Variants in RIC8B observed in about 807,000 individuals in gnomAD.
RIC8B encodes RIC8 guanine nucleotide exchange factor B.
RIC8B carries 16 observed loss-of-function variants against 57.5 expected under a neutral mutation model. That is an observed-to-expected ratio of 0.28 (90% CI 0.19 to 0.42). The LOEUF (loss-of-function observed/expected upper bound fraction) is 0.42, where lower values mean the gene tolerates loss of function less well. Among genes scored for constraint, RIC8B ranks in the 10% least tolerant of loss-of-function variants. The probability of loss-of-function intolerance (pLI) is 1.00; values close to 1 mark genes in which losing one functional copy is unlikely to be tolerated. For missense variants in RIC8B, 481 were observed against 677.0 expected (o/e 0.71, Z 3.21); for synonymous variants, 216 against 250.8 (o/e 0.86, Z 1.31).
intron 2 of RIC8B, among the ~76,000 whole-genome samples, chr12:106,805,655 A>G (rs2044977302): frequency 6.6e-6 from 1 of 152,248 alleles, no homozygotes; most frequent in South Asian, 2.1e-4. Flanking sequence ...CCACATTAAC[A>G]TCAGAGTAAT....
intron 4 of RIC8B, among the ~76,000 whole-genome samples, chr12:106,829,645 C>G (rs953743762): frequency 4.6e-5 from 7 of 152,092 alleles, no homozygotes; most frequent in Non-Finnish European, 1.0e-4. Context: ...TGGTAAAATA[C>G]AGTTATAAAA....
At chr12:106,820,311 T>G (rs1260142773) in intron 3 of RIC8B, among the ~76,000 whole-genome samples, 3 of 152,216 alleles carry the variant, frequency 2.0e-5, no homozygotes, top group Non-Finnish European at 2.9e-5. Flanking sequence ...GCAGATTAAT[T>G]TGGAGTTTGC....
chr12:106,829,651 T>C (rs1265115891), intron 4 of RIC8B, among the ~76,000 whole-genome samples: 2 of 152,208 alleles, frequency 1.3e-5, no homozygotes, highest in African/African-American at 4.8e-5. Context: ...AATACAGTTA[T>C]AAAATTTGCT....
At chr12:106,810,294 A>AG (rs2045279739) in intron 2 of RIC8B, among the ~76,000 whole-genome samples, 1 of 150,466 alleles carries the variant, frequency 6.6e-6, no homozygotes, top group East Asian at 1.9e-4. Context: ...AGCTGGTAAA[A>AG]AAAAAAAAAA....
intron 7 of RIC8B, 81 bp from the exon 8 acceptor site, chr12:106,860,187 A>G (rs542269995): frequency 2.5e-5 from 31 of 1,232,242 alleles, no homozygotes; most frequent in East Asian, 1.6e-4. Flanking sequence ...TGTGTCTTCA[A>G]TCTTCTTGTG....
rs577312457 is a variant in RIC8B at position 106,854,490 on chromosome 12, G to A, written c.1306+2896G>A. Among the ~76,000 whole-genome samples, 55 of 152,284 alleles carry A rather than the reference G, an allele frequency of 3.6e-4. 1 individual carries two copies. Among genetic ancestry groups the A allele is most frequent in the Non-Finnish European group, 7.5e-4 (51 of 68,012 alleles). Reference sequence around the variant, plus strand: ...GCAGTTATAATGGGTTAGGAACACAGAGACTGCATTAAGAAAGAGGGGCCA... The same window carrying A: ...GCAGTTATAATGGGTTAGGAACACAAAGACTGCATTAAGAAAGAGGGGCCA... On this transcript the variant is annotated intron_variant, in intron 7 of 9. Coordinates refer to ENST00000392837, the MANE Select transcript of RIC8B (RefSeq NM_001330145.2).
chr12:106,807,574 A>G (rs2045100550), intron 2 of RIC8B, among the ~76,000 whole-genome samples: 1 of 152,218 alleles, frequency 6.6e-6, no homozygotes, highest in South Asian at 2.1e-4. Context: ...CTTTCATTCT[A>G]GTGGCAAGAG....
intron 3 of RIC8B, among the ~76,000 whole-genome samples, chr12:106,818,150 C>G (rs1288554503): frequency 6.6e-6 from 1 of 151,970 alleles, no homozygotes; most frequent in Non-Finnish European, 1.5e-5. Context: ...GTAAACTCAC[C>G]ACTCAAAAGA....
chr12:106,844,055 A>G (rs1949078139), intron 6 of RIC8B, 108 bp downstream of exon 6: 4 of 803,552 alleles, frequency 5.0e-6, no homozygotes, highest in South Asian at 1.6e-5. Flanking sequence ...ATAATCAGAA[A>G]CTCAGTCTTA....
intron 2 of RIC8B, among the ~76,000 whole-genome samples, chr12:106,812,835 A>G (rs1488948148): frequency 3.3e-5 from 5 of 152,238 alleles, no homozygotes; most frequent in Admixed American, 2.6e-4. Flanking sequence ...GTAAAATATT[A>G]AGAGAAAGTC....
chr12:106,881,414 G>A (rs1257465721), intron 9 of RIC8B, among the ~76,000 whole-genome samples: 2 of 149,020 alleles, frequency 1.3e-5, no homozygotes, highest in East Asian at 4.0e-4. Context: ...TCTTGCTTCT[G>A]TGCCTCTGCT....
chr12:106,822,010 G>A lies in RIC8B; in HGVS notation c.742-3716G>A, dbSNP rs551117253. The stretch of plus-strand genomic sequence containing the variant: ...GGACAATGGCGTGAATCCGGGAGGC[G>A]GAGCTTGCAGCGAGCCAAGATCGTG... On this transcript the variant is annotated intron_variant, in intron 3 of 9. Coordinates refer to ENST00000392837, the MANE Select transcript of RIC8B (RefSeq NM_001330145.2). Among the ~76,000 whole-genome samples the A allele has an allele frequency of 1.6e-4, 23 of 147,688 alleles. No homozygotes were observed. In the South Asian group the frequency reaches 2.4e-3, roughly 15 times the overall value.
chr12:106,793,294 G>A (rs2077738688), intron 2 of RIC8B, among the ~76,000 whole-genome samples: 1 of 152,166 alleles, frequency 6.6e-6, no homozygotes, highest in Admixed American at 6.5e-5. Flanking sequence ...CAGCACCAGG[G>A]CTCAGAAATT....
intron 2 of RIC8B, among the ~76,000 whole-genome samples, chr12:106,787,504 A>G (rs868640518): frequency 6.6e-6 from 1 of 152,170 alleles, no homozygotes; most frequent in African/African-American, 2.4e-5. Flanking sequence ...TGCTCCCTAT[A>G]TTCGTTTTCA....
At chr12:106,778,554 A>T (rs906733369) in intron 1 of RIC8B, among the ~76,000 whole-genome samples, 1 of 152,172 alleles carries the variant, frequency 6.6e-6, no homozygotes, top group Non-Finnish European at 1.5e-5. Context: ...CACATTTCGT[A>T]TGTCATCTTA....
intron 8 of RIC8B, among the ~76,000 whole-genome samples, chr12:106,861,678 A>C (rs914561434): frequency 2.6e-5 from 4 of 152,072 alleles, no homozygotes; most frequent in African/African-American, 4.8e-5. Flanking sequence ...CGAATTATAG[A>C]AGTCATCATT....
chr12:106,865,576 C>T (rs952268379), intron 8 of RIC8B, among the ~76,000 whole-genome samples: 4 of 152,112 alleles, frequency 2.6e-5, no homozygotes, highest in African/African-American at 9.7e-5. Context: ...AGTTCTGGTC[C>T]TATCTTCATA....
intron 4 of RIC8B, among the ~76,000 whole-genome samples, chr12:106,827,521 T>G (rs945484584): frequency 1.3e-5 from 2 of 152,234 alleles, no homozygotes; most frequent in African/African-American, 4.8e-5. Context: ...ATTTTAGTTA[T>G]GATCAGCAAC....
chr12:106,829,408 G>C (rs549682866), intron 4 of RIC8B, among the ~76,000 whole-genome samples: 1 of 152,110 alleles, frequency 6.6e-6, no homozygotes, highest in South Asian at 2.1e-4. Context: ...GACCAGATTT[G>C]ATTTAATTTA....
Sources: allele counts gnomAD v4.1 joint callset (sites outside exome capture counted in the v4.1 genomes callset), GRCh38; gene constraint gnomAD v4.1.1; transcripts MANE v1.5; gene names NCBI Gene and HGNC (gene_info 2026-07-23, HGNC 2026-07-21).